The following IRAK1BP1 variants were observed in gnomAD, a reference collection of about 807,000 sequenced individuals.
The protein encoded by IRAK1BP1 is interleukin-1 receptor-associated kinase 1-binding protein 1.
IRAK1BP1 carries 24 observed loss-of-function variants against 28.0 expected under a neutral mutation model. The ratio of observed to expected loss-of-function variants is 0.86; its 90% confidence interval spans 0.62 to 1.20. The LOEUF (loss-of-function observed/expected upper bound fraction) is 1.20. Among genes scored for constraint, IRAK1BP1 ranks in the 50% most tolerant of loss-of-function variants. The pLI is 0.00. For synonymous variants in IRAK1BP1, 131 were observed against 116.3 expected (o/e 1.13, Z -0.81); for missense variants, 336 against 316.7 (o/e 1.06, Z -0.46).
chr6:78,909,235 G>A lies in IRAK1BP1; in HGVS notation c.*67+6125G>A, dbSNP rs377038988. On this transcript the variant is annotated intron_variant and NMD_transcript_variant, in intron 4 of 4. Coordinates refer to the IRAK1BP1 transcript ENST00000606868. ...ATACCTCCACTTATGGCAGGAATAT[G>A]TCCAGACAAGCCCATTATAAGTTGA... Among the ~76,000 whole-genome samples, 21 of 152,272 alleles carry A rather than the reference G, an allele frequency of 1.4e-4. 1 individual carries two copies. In the East Asian group the frequency reaches 2.9e-3, roughly 21 times the overall value.
At chr6:78,868,035 G>A in intron 1 of IRAK1BP1, 144 bp downstream of exon 1, 1 of 800,600 alleles carries the variant, frequency 1.2e-6, no homozygotes, top group Non-Finnish European at 1.9e-6. Context: ...AGGTACTCCG[G>A]GACGCCAGGA....
chr6:78,966,664 G>A, the IRAK1BP1 span, among the ~76,000 whole-genome samples: 7 of 152,144 alleles, frequency 4.6e-5, no homozygotes, highest in African/African-American at 1.7e-4. Context: ...TCCAATTGCT[G>A]TCGTCGTATT....
At chr6:78,872,869 CT>C (rs887897120) in intron 1 of IRAK1BP1, among the ~76,000 whole-genome samples, 20 of 151,990 alleles carry the variant, frequency 1.3e-4, no homozygotes, top group Non-Finnish European at 2.6e-4. Flanking sequence ...TGAACTTAAA[CT>C]TTTTAAATAT....
At chr6:78,883,435 C>T (rs1771302578) in intron 1 of IRAK1BP1, among the ~76,000 whole-genome samples, 1 of 151,898 alleles carries the variant, frequency 6.6e-6, no homozygotes, top group African/African-American at 2.4e-5. Flanking sequence ...ATTAGATTTT[C>T]TTTGATTAGC....
At chr6:78,977,955 T>C in the IRAK1BP1 span, among the ~76,000 whole-genome samples, 1 of 152,164 alleles carries the variant, frequency 6.6e-6, no homozygotes, top group Non-Finnish European at 1.5e-5. Context: ...AATTTATTTA[T>C]GGTCAATCTG....
At chr6:78,965,920 T>TA in the IRAK1BP1 span, 6 of 1,539,820 alleles carry the variant, frequency 3.9e-6, no homozygotes, top group East Asian at 1.3e-4. Flanking sequence ...CTAGGTGAAC[T>TA]AAAATACAAC....
At chr6:78,885,992 C>T (rs1017782118) in intron 2 of IRAK1BP1, among the ~76,000 whole-genome samples, 3 of 152,128 alleles carry the variant, frequency 2.0e-5, no homozygotes, top group African/African-American at 7.2e-5. Flanking sequence ...TTTGTGAAAT[C>T]AGAGTATGTT....
chr6:78,909,030 A>AG (rs1264206210), intron 4 of IRAK1BP1, among the ~76,000 whole-genome samples: 6 of 152,364 alleles, frequency 3.9e-5, no homozygotes, highest in Admixed American at 1.3e-4. Flanking sequence ...ATAGCATGAA[A>AG]GGCCAGTCTT....
chr6:78,955,428 C>T, the IRAK1BP1 span: 19 of 621,114 alleles, frequency 3.1e-5, no homozygotes, highest in Non-Finnish European at 5.0e-5. Context: ...TAAAAAGGTT[C>T]CCCCCATTAA....
intron 2 of IRAK1BP1, among the ~76,000 whole-genome samples, chr6:78,886,617 T>C (rs1771441677): frequency 1.3e-5 from 2 of 152,058 alleles, no homozygotes; most frequent in Non-Finnish European, 2.9e-5. Flanking sequence ...TAAATATAGA[T>C]GGAAGCAAGT....
intron 4 of IRAK1BP1, chr6:78,935,520 CG>C: frequency 6.1e-6 from 6 of 977,286 alleles, no homozygotes; most frequent in Non-Finnish European, 7.3e-6. Flanking sequence ...GTATCTCTTA[CG>C]AAAGTATCTG....
Position 78,898,411 on chromosome 6 carries a change from AATATATATATATATATATATATATAT to A in IRAK1BP1, c.*86_*111del, listed in dbSNP as rs58937738. The stretch of plus-strand genomic sequence containing the variant: ...TTTTATAATGTTTACGTTTGTCCTG[AATATATATATATATATATATATATAT>A]ATATATATGGTATAGGAGATAAGCT... On this transcript the variant is annotated 3_prime_UTR_variant, in exon 4 of 4. Transcript: ENST00000369940. The A allele has an allele frequency of 7.4e-4, 64 of 86,510 alleles. 16 individuals are homozygous for A. Among genetic ancestry groups the A allele is most frequent in the Non-Finnish European group, 1.3e-3 (63 of 49,034 alleles). The allele number at this position is 86,510 out of a possible 1,614,324, so 5.4% of individuals were successfully genotyped here. A position where few individuals can be genotyped will look rare whatever the true frequency, so the allele number is the denominator to read the frequency against.
At chr6:78,924,557 A>T (rs938795326) in intron 4 of IRAK1BP1, among the ~76,000 whole-genome samples, 1 of 152,180 alleles carries the variant, frequency 6.6e-6, no homozygotes, top group Non-Finnish European at 1.5e-5. Flanking sequence ...ATCCTCCCTA[A>T]CTCATTTTAT....
At chr6:78,904,138 C>T (rs757242901), downstream of IRAK1BP1, among the ~76,000 whole-genome samples, 5 of 152,216 alleles carry the variant, frequency 3.3e-5, no homozygotes, top group Non-Finnish European at 7.3e-5. Flanking sequence ...ATGCAGGACA[C>T]ATATTCAAAC....
At chr6:78,934,404 C>T (rs1773185605) in intron 4 of IRAK1BP1, among the ~76,000 whole-genome samples, 1 of 152,210 alleles carries the variant, frequency 6.6e-6, no homozygotes, top group Non-Finnish European at 1.5e-5. Flanking sequence ...TGCAATAATG[C>T]AAAGCACAAT....
intron 4 of IRAK1BP1, among the ~76,000 whole-genome samples, chr6:78,921,034 T>C (rs1772709503): frequency 6.6e-6 from 1 of 152,134 alleles, no homozygotes; most frequent in Non-Finnish European, 1.5e-5. Context: ...CATTTCCAAC[T>C]GAGGTACCAG....
At chr6:78,892,130 G>C (rs1407433004) in intron 2 of IRAK1BP1, among the ~76,000 whole-genome samples, 1 of 152,062 alleles carries the variant, frequency 6.6e-6, no homozygotes, top group Admixed American at 6.5e-5. Context: ...ATATATACTT[G>C]AAGTTCATTT....
chr6:78,923,847 A>G (rs1270986697), intron 4 of IRAK1BP1, among the ~76,000 whole-genome samples: 1 of 152,242 alleles, frequency 6.6e-6, no homozygotes, highest in Non-Finnish European at 1.5e-5. Flanking sequence ...GAAGGCAGAA[A>G]TAAAGATGTT....
intron 4 of IRAK1BP1, chr6:78,940,548 GTT>G (rs36155238): frequency 0.081 from 6,664 of 81,940 alleles, 21 homozygotes; most frequent in Non-Finnish European, 0.11. Context: ...TCGTAAGTTT[GTT>G]TTTTTTTTTT....
Sources: allele counts gnomAD v4.1 joint callset (sites outside exome capture counted in the v4.1 genomes callset), GRCh38; gene constraint gnomAD v4.1.1; transcripts MANE v1.5; gene names NCBI Gene and HGNC (gene_info 2026-07-23, HGNC 2026-07-21).